PLCG2: variants seen among roughly 807,000 people sequenced by gnomAD.
PLCG2 encodes phospholipase C gamma 2, also known as 1-phosphatidylinositol 4,5-bisphosphate phosphodiesterase gamma-2.
Under a neutral mutation model 175.6 loss-of-function variants are expected in PLCG2, and 69 were observed. That is an observed-to-expected ratio of 0.39 (90% CI 0.32 to 0.48). The LOEUF is 0.48. Among genes scored for constraint, PLCG2 ranks in the 20% least tolerant of loss-of-function variants. The pLI is 0.91. For missense variants in PLCG2, 1,798 were observed against 1,650.9 expected, an observed-to-expected ratio of 1.09 and a Z score of -1.54; for synonymous variants, 827 against 624.0, an observed-to-expected ratio of 1.33 and a Z score of -4.85.
intron 2 of PLCG2, among the ~76,000 whole-genome samples, chr16:81,790,101 C>A (rs8055919): frequency 6.6e-6 from 1 of 152,188 alleles, no homozygotes; most frequent in Admixed American, 6.5e-5. Context: ...GTGTCTACCC[C>A]ACAGGCTCAT....
At chr16:81,774,743 T>TG (rs574999437), upstream of PLCG2, among the ~76,000 whole-genome samples, 182 of 142,400 alleles carry the variant, frequency 1.3e-3, no homozygotes, top group Middle Eastern at 3.6e-3. Context: ...CCTCTAAGGG[T>TG]GTTTTTTTTT....
intron 31 of PLCG2, among the ~76,000 whole-genome samples, chr16:81,951,089 G>A (rs1459733068): frequency 2.0e-5 from 3 of 152,150 alleles, no homozygotes; most frequent in Non-Finnish European, 4.4e-5. Context: ...CTGGGCTCAA[G>A]TGATCTTCCT....
intron 28 of PLCG2, chr16:81,938,371 G>C: frequency 5.1e-6 from 1 of 197,512 alleles, no homozygotes; most frequent in Non-Finnish European, 1.0e-5. Context: ...TAAGGTTAAG[G>C]GCGGGCGGGT....
rs186904992 is a variant in PLCG2 at position 81,875,195 on chromosome 16, C to G, written c.648+4260C>G. 1.1e-4 allele frequency among the ~76,000 whole-genome samples: 17 copies of G among 152,068 alleles called. 1 individual carries two copies. Among genetic ancestry groups the G allele is most frequent in the African/African-American group, 3.4e-4 (14 of 41,490 alleles). On this transcript the variant is annotated intron_variant, in intron 7 of 32. Coordinates refer to ENST00000564138, the MANE Select transcript of PLCG2 (RefSeq NM_002661.5). ...GCCAGGCTAGTCTCGAACTCCTGAC[C>G]TCAGGTGATCCTCCCGCCTTGGCCT...
At chr16:81,941,875 T>C (rs969769036) in intron 30 of PLCG2, among the ~76,000 whole-genome samples, 2 of 152,116 alleles carry the variant, frequency 1.3e-5, no homozygotes, top group Non-Finnish European at 2.9e-5. Flanking sequence ...TTTGCCATGT[T>C]GGTCTGAAAA....
intron 2 of PLCG2, among the ~76,000 whole-genome samples, chr16:81,832,835 C>T (rs1173148329): frequency 6.6e-6 from 1 of 152,226 alleles, no homozygotes; most frequent in Non-Finnish European, 1.5e-5. Flanking sequence ...GTGGGAGACC[C>T]TGTGGGTGAC....
chr16:81,827,760 T>C (rs1367525890), intron 2 of PLCG2, among the ~76,000 whole-genome samples: 5 of 151,954 alleles, frequency 3.3e-5, no homozygotes, highest in African/African-American at 1.2e-4. Context: ...CAGTTGGAAA[T>C]GTAGGTTGTT....
At chr16:81,892,970 G>A (rs529529342) in intron 11 of PLCG2, among the ~76,000 whole-genome samples, 1 of 151,536 alleles carries the variant, frequency 6.6e-6, no homozygotes, top group Non-Finnish European at 1.5e-5. Context: ...TCAGCCTCCC[G>A]AGTAGCTGGG....
chr16:81,794,384 C>G (rs773213775), intron 2 of PLCG2, among the ~76,000 whole-genome samples: 12 of 152,116 alleles, frequency 7.9e-5, no homozygotes, highest in Non-Finnish European at 1.8e-4. Flanking sequence ...GCTGGCATCT[C>G]CTAAGAAGAA....
In PLCG2 at chr16:81,959,276, C is replaced by T; in HGVS notation, c.*1278C>T. The T allele has an allele frequency of 4.5e-6, 1 of 223,454 alleles. No homozygotes were observed. Among genetic ancestry groups the T allele is most frequent in the Non-Finnish European group, 8.9e-6 (1 of 111,986 alleles). 13.8% of individuals were successfully genotyped at this position (223,454 alleles called of 1,614,324 possible). A position where few individuals can be genotyped will look rare whatever the true frequency, so the allele number is the denominator to read the frequency against. On this transcript the variant is annotated 3_prime_UTR_variant, in exon 33 of 33. Transcript: ENST00000564138. The stretch of plus-strand genomic sequence containing the variant: ...TGTGGATGGAACTGGCCCCTAGAAA[C>T]CCATCTGACCCTCCTCTTGTTACCC...
At chr16:81,899,114 G>C (rs1213315794) in intron 13 of PLCG2, among the ~76,000 whole-genome samples, 1 of 152,022 alleles carries the variant, frequency 6.6e-6, no homozygotes, top group African/African-American at 2.4e-5. Flanking sequence ...GCTTGAACTT[G>C]GGAGGCGGAG....
upstream of PLCG2, among the ~76,000 whole-genome samples, chr16:81,777,906 A>G (rs552755115): frequency 6.6e-6 from 1 of 151,746 alleles, no homozygotes; most frequent in South Asian, 2.1e-4. Context: ...AATCCCAGCT[A>G]CTCAGGAGGC....
rs1295648437 is a variant in PLCG2 at position 81,912,622 on chromosome 16, G to A, written c.1960G>A (p.Gly654Arg). 2.5e-6 allele frequency: 4 copies of A among 1,613,170 alleles called. No individual in the cohort carries two copies. Among genetic ancestry groups the A allele is most frequent in the Admixed American group, 1.7e-5 (1 of 59,924 alleles). The part of the protein sequence containing the change: ...KPWYYDSLSR[G>R]EAEDMLMRIP... ...GTGGTACTATGACAGCCTGAGCCGC[G>A]GAGAGGCAGAGGACATGCTGATGAG... The change falls in exon 19 of 33, where the codon GGA (glycine) becomes AGA (arginine). Residue 654 changes from glycine (G) to arginine (R), a missense_variant. By Grantham distance (125) the Gly-to-Arg change is moderately radical. Transcript: ENST00000564138.
chr16:81,899,844 A>T (rs1169710323), intron 13 of PLCG2, among the ~76,000 whole-genome samples: 1 of 152,210 alleles, frequency 6.6e-6, no homozygotes, highest in Non-Finnish European at 1.5e-5. Context: ...GTGTCTTTAA[A>T]CAGAAACACA....
intron 2 of PLCG2, among the ~76,000 whole-genome samples, chr16:81,761,857 A>T (rs1050242981): frequency 8.3e-6 from 1 of 120,494 alleles, no homozygotes; most frequent in Non-Finnish European, 1.7e-5. Context: ...TTGCGCATGG[A>T]GTCTTGTTCT....
At chr16:81,866,976 T>A (rs897570547) in intron 5 of PLCG2, among the ~76,000 whole-genome samples, 1 of 152,246 alleles carries the variant, frequency 6.6e-6, no homozygotes, top group Non-Finnish European at 1.5e-5. Flanking sequence ...CAGCCCCAGC[T>A]GGCCCAACAG....
chr16:81,740,048 G>C (rs1172255612), intron 1 of PLCG2, among the ~76,000 whole-genome samples: 1 of 141,612 alleles, frequency 7.1e-6, no homozygotes, highest in South Asian at 2.2e-4. Context: ...TGAGGCAGGA[G>C]AATCACTTGA....
At chr16:81,824,561 C>T (rs1027898267) in intron 2 of PLCG2, among the ~76,000 whole-genome samples, 7 of 152,208 alleles carry the variant, frequency 4.6e-5, no homozygotes, top group Admixed American at 3.3e-4. Context: ...TTTGGATCTC[C>T]CTCAGGCCTT....
At chr16:81,950,640 A>T (rs1327986411) in intron 31 of PLCG2, among the ~76,000 whole-genome samples, 15 of 147,658 alleles carry the variant, frequency 1.0e-4, no homozygotes, top group Non-Finnish European at 8.8e-5. Flanking sequence ...TACATTTTTT[A>T]AAAATAATGA....
Sources: allele counts gnomAD v4.1 joint callset (sites outside exome capture counted in the v4.1 genomes callset), GRCh38; gene constraint gnomAD v4.1.1; transcripts MANE v1.5; gene names NCBI Gene and HGNC (gene_info 2026-07-23, HGNC 2026-07-21).